Variants in TMEM132C observed in about 807,000 individuals in gnomAD.
TMEM132C encodes the protein protein phosphatase 1, regulatory subunit 152.
Under a neutral mutation model 61.4 loss-of-function variants are expected in TMEM132C, and 29 were observed. The observed-to-expected ratio is 0.47, with a 90% CI of 0.35 to 0.64. The LOEUF is 0.64. TMEM132C is among the 30% of genes least tolerant of loss of function. The probability of loss-of-function intolerance (pLI) is 0.00; values close to 1 mark genes in which losing one functional copy is unlikely to be tolerated. For synonymous variants in TMEM132C, 656 were observed against 633.1 expected, an observed-to-expected ratio of 1.04 and a Z score of -0.54; for missense variants, 1,408 against 1,476.9, an observed-to-expected ratio of 0.95 and a Z score of 0.76.
At chr12:128,342,975 G>T (rs1443167672) in intron 1 of TMEM132C, among the ~76,000 whole-genome samples, 1 of 152,168 alleles carries the variant, frequency 6.6e-6, no homozygotes, top group Non-Finnish European at 1.5e-5. Flanking sequence ...TCCTTTGATC[G>T]TGCAAAGTAA....
At chr12:128,279,548 C>G (rs1592995064) in intron 1 of TMEM132C, among the ~76,000 whole-genome samples, 1 of 152,192 alleles carries the variant, frequency 6.6e-6, no homozygotes, top group African/African-American at 2.4e-5. Flanking sequence ...CTTCTGACCT[C>G]ATTTTCAACC....
chr12:128,440,865 A>G (rs1374420871), intron 2 of TMEM132C, among the ~76,000 whole-genome samples: 2 of 152,152 alleles, frequency 1.3e-5, no homozygotes, highest in Admixed American at 1.3e-4. Context: ...CCTGGCCAAC[A>G]TGGTGAAACC....
At chr12:128,440,399 C>T (rs1869743928) in intron 2 of TMEM132C, among the ~76,000 whole-genome samples, 1 of 152,172 alleles carries the variant, frequency 6.6e-6, no homozygotes, top group South Asian at 2.1e-4. Context: ...TCATGAGAAA[C>T]AGAGCCAGGG....
intron 3 of TMEM132C, among the ~76,000 whole-genome samples, chr12:128,575,655 A>T (rs1263068760): frequency 6.6e-6 from 1 of 152,226 alleles, no homozygotes; most frequent in Admixed American, 6.5e-5. Flanking sequence ...ATGGGTGTGG[A>T]GGGCAACAAT....
intron 3 of TMEM132C, among the ~76,000 whole-genome samples, chr12:128,583,745 C>T (rs1357331362): frequency 6.6e-6 from 1 of 152,226 alleles, no homozygotes; most frequent in Admixed American, 6.5e-5. Context: ...CAGCAGCCGC[C>T]CCCCGCCCCA....
chr12:128,268,229 C>A (rs930387972), intron 1 of TMEM132C, among the ~76,000 whole-genome samples: 1 of 152,216 alleles, frequency 6.6e-6, no homozygotes, highest in Non-Finnish European at 1.5e-5. Context: ...ATGGGAGTGA[C>A]GGCCCTGCTT....
chr12:128,536,956 A>G (rs1873554991), intron 2 of TMEM132C, among the ~76,000 whole-genome samples: 1 of 152,242 alleles, frequency 6.6e-6, no homozygotes, highest in African/African-American at 2.4e-5. Context: ...CAAGCCATTC[A>G]GAGATGGGAA....
intron 1 of TMEM132C, among the ~76,000 whole-genome samples, chr12:128,273,241 G>T (rs1379020968): frequency 6.6e-6 from 1 of 151,978 alleles, no homozygotes; most frequent in Non-Finnish European, 1.5e-5. Flanking sequence ...ACTGTCTTAG[G>T]TACATACTTA....
intron 1 of TMEM132C, among the ~76,000 whole-genome samples, chr12:128,386,588 C>T (rs1276214800): frequency 6.6e-6 from 1 of 152,158 alleles, no homozygotes; most frequent in East Asian, 1.9e-4. Context: ...ATAGAAATGC[C>T]ACAGCAGGGA....
chr12:128,658,765 C>A (rs751663376), intron 4 of TMEM132C, among the ~76,000 whole-genome samples: 55 of 152,308 alleles, frequency 3.6e-4, no homozygotes, highest in Admixed American at 1.9e-3. Context: ...TTAACATGAG[C>A]CCCTCTGGTT....
chr12:128,464,480 G>T (rs966810056), intron 2 of TMEM132C, among the ~76,000 whole-genome samples: 6 of 152,152 alleles, frequency 3.9e-5, no homozygotes, highest in African/African-American at 1.2e-4. Flanking sequence ...TAGCATGGTG[G>T]CTCACACCTG....
intron 1 of TMEM132C, among the ~76,000 whole-genome samples, chr12:128,393,969 A>G (rs1410075807): frequency 1.3e-5 from 2 of 152,180 alleles, no homozygotes; most frequent in Non-Finnish European, 2.9e-5. Context: ...ACTTCTTTAA[A>G]GACGGTGTAT....
chr12:128,504,762 C>G (rs1438796738), intron 2 of TMEM132C, among the ~76,000 whole-genome samples: 2 of 126,656 alleles, frequency 1.6e-5, no homozygotes, highest in African/African-American at 3.1e-5. Flanking sequence ...TAGGCCCTGT[C>G]TCTAGTGCAG....
At chr12:128,512,396 C>G (rs1180663117) in intron 2 of TMEM132C, among the ~76,000 whole-genome samples, 1 of 152,160 alleles carries the variant, frequency 6.6e-6, no homozygotes, top group Non-Finnish European at 1.5e-5. Flanking sequence ...CCATTTTCCC[C>G]CTAACAATAT....
intron 4 of TMEM132C, among the ~76,000 whole-genome samples, chr12:128,627,376 C>G (rs1315155498): frequency 1.3e-5 from 2 of 152,138 alleles, no homozygotes; most frequent in Non-Finnish European, 2.9e-5. Context: ...ATTGTTCTGT[C>G]TGATCATTAT....
rs1954011410 is a variant in TMEM132C, at chr12:128,625,945, A to C, written c.1305+9610A>C. Among the ~76,000 whole-genome samples, 3 of 152,196 alleles carry C rather than the reference A, an allele frequency of 2.0e-5. No individual in the cohort carries two copies. The South Asian group carries it at 6.2e-4, about 32-fold the overall frequency. ...CCAAAAGCATTAGCAGCTGCCACCA[A>C]ACTCACACATTTCCATGTCATAGCA... On this transcript the variant is annotated intron_variant, in intron 4 of 8. Coordinates refer to ENST00000435159, the MANE Select transcript of TMEM132C (RefSeq NM_001136103.3).
intron 8 of TMEM132C, among the ~76,000 whole-genome samples, chr12:128,702,285 A>G (rs7974273): frequency 0.11 from 16,644 of 151,888 alleles, 1,253 homozygotes; most frequent in East Asian, 0.33. Context: ...TTTTAATTTT[A>G]TTTCATAGAC....
In TMEM132C at chr12:128,569,878, A is replaced by G. The variant is rs556814496; in HGVS notation, c.1121+25775A>G. ...CCATCTTTTGCCAAAATCACAAAAT[A>G]CTGAAAAAGAAGAAATTAAATAAAA... is the stretch of plus-strand genomic sequence containing the variant. On this transcript the variant is annotated intron_variant, in intron 3 of 8. Coordinates refer to ENST00000435159, the MANE Select transcript of TMEM132C (RefSeq NM_001136103.3). Among the ~76,000 whole-genome samples, 21 of 152,330 alleles carry G rather than the reference A, an allele frequency of 1.4e-4. No individual in the cohort carries two copies. In the South Asian group the frequency reaches 4.4e-3, roughly 32 times the overall value.
At chr12:128,647,242 G>A (rs554924984) in intron 4 of TMEM132C, among the ~76,000 whole-genome samples, 1 of 148,856 alleles carries the variant, frequency 6.7e-6, no homozygotes, top group Non-Finnish European at 1.5e-5. Context: ...CGTTGGATGT[G>A]AGTGTGTTTA....
Sources: gnomAD v4.1 joint callset for allele counts (sites outside exome capture counted in the v4.1 genomes callset) on GRCh38, gnomAD v4.1.1 for gene constraint, MANE v1.5 for transcripts, NCBI Gene and HGNC (gene_info 2026-07-23, HGNC 2026-07-21) for gene names.